EIF2AK2: variants seen among roughly 807,000 people sequenced by gnomAD.
EIF2AK2 encodes the protein interferon-induced, double-stranded RNA-activated protein kinase.
EIF2AK2 carries 40 observed loss-of-function variants against 70.5 expected under a neutral mutation model. The observed-to-expected ratio is 0.57, with a 90% CI of 0.44 to 0.74. EIF2AK2 has a LOEUF of 0.74. EIF2AK2 is among the 30% of genes least tolerant of loss of function. The pLI, the probability that EIF2AK2 is intolerant of heterozygous loss-of-function variation, is 0.00. For missense variants in EIF2AK2, 555 were observed against 644.3 expected, an observed-to-expected ratio of 0.86 and a Z score of 1.50; for synonymous variants, 198 against 220.9, an observed-to-expected ratio of 0.90 and a Z score of 0.92.
chr2:37,134,065 T>C (rs919147724), intron 10 of EIF2AK2, among the ~76,000 whole-genome samples: 1 of 152,212 alleles, frequency 6.6e-6, no homozygotes, highest in African/African-American at 2.4e-5. Context: ...TATCGCTGTC[T>C]TCTTCAGCTT....
intron 10 of EIF2AK2, among the ~76,000 whole-genome samples, chr2:37,127,404 G>A (rs1381033237): frequency 6.6e-6 from 1 of 152,088 alleles, no homozygotes; most frequent in Non-Finnish European, 1.5e-5. Flanking sequence ...GCCAACCTTT[G>A]CATTCCACAA....
chr2:37,103,770 A>AT lies in EIF2AK2; in HGVS notation c.*3502dup, dbSNP rs1558403062. 2 of 152,106 alleles carry AT rather than the reference A, an allele frequency of 1.3e-5. No homozygotes were observed. Among genetic ancestry groups the AT allele is most frequent in the Admixed American group, 6.5e-5 (1 of 15,274 alleles). The allele number at this position is 152,106 out of a possible 1,614,324, so 9.4% of individuals were successfully genotyped here. A position where few individuals can be genotyped will look rare whatever the true frequency, so the allele number is the denominator to read the frequency against. ...GTGCCCTCTTTCTCTCTCCATGTTG[A>AT]TTTTTGCTGAACATTGAAAGTTGCA... On this transcript the variant is annotated 3_prime_UTR_variant, in exon 17 of 17. Coordinates refer to ENST00000233057, the MANE Select transcript of EIF2AK2 (RefSeq NM_001135651.3).
At position 37,120,110 on chromosome 2, in the gene EIF2AK2, A is replaced by G. The variant is rs865823480; in HGVS notation, c.1097T>C (p.Met366Thr). 2 of 1,472,182 alleles carry G rather than the reference A, an allele frequency of 1.4e-6. No individual in the cohort carries two copies. The highest frequency in any genetic ancestry group is 1.8e-6 in the Non-Finnish European group (2 of 1,105,034). The allele number at this position is 1,472,182 out of a possible 1,614,324, so 91.2% of individuals were successfully genotyped here. ...CAAGGTCCCTTTATCACAGAATTCC[A>G]TTTGGATGAAAAGGCACTTAGTCTT... ...RSKTKCLFIQ[M>T]EFCDKGTLEQ... The change falls in exon 13 of 17, where the codon ATG (methionine) becomes ACG (threonine). Residue 366 changes from methionine to threonine, a missense_variant. Transcript: ENST00000233057.
Position 37,099,729 on chromosome 2 carries a change from T to C in EIF2AK2, c.*7544A>G, listed in dbSNP as rs1043930447. Reference sequence around the variant, plus strand: ...CAAAAGTTCATAGTAGCATTATTCATGGTAGCCAAAAAGTACAAACAACCC... The same window carrying C: ...CAAAAGTTCATAGTAGCATTATTCACGGTAGCCAAAAAGTACAAACAACCC... On this transcript the variant is annotated 3_prime_UTR_variant, in exon 17 of 17. Coordinates refer to ENST00000233057, the MANE Select transcript of EIF2AK2 (RefSeq NM_001135651.3). 7 of 152,218 alleles carry C rather than the reference T, an allele frequency of 4.6e-5. No homozygotes were observed. Among genetic ancestry groups the C allele is most frequent in the Admixed American group, 1.3e-4 (2 of 15,282 alleles). The allele number at this position is 152,218 out of a possible 1,614,324, so 9.4% of individuals were successfully genotyped here. A position where few individuals can be genotyped will look rare whatever the true frequency, so the allele number is the denominator to read the frequency against.
intron 11 of EIF2AK2, among the ~76,000 whole-genome samples, chr2:37,125,907 T>C (rs1192283555): frequency 6.6e-6 from 1 of 152,232 alleles, no homozygotes; most frequent in East Asian, 1.9e-4. Flanking sequence ...TTTCCTCATC[T>C]ATAAAATAAG....
intron 5 of EIF2AK2, among the ~76,000 whole-genome samples, chr2:37,140,609 C>G (rs564344357): frequency 1.5e-4 from 23 of 151,328 alleles, no homozygotes; most frequent in Admixed American, 7.2e-4. Context: ...TGCCCCCCCC[C>G]GCAAACAGAT....
At chr2:37,124,731 CTT>C (rs528735782) in intron 11 of EIF2AK2, among the ~76,000 whole-genome samples, 6 of 144,260 alleles carry the variant, frequency 4.2e-5, no homozygotes, top group Non-Finnish European at 4.6e-5. Flanking sequence ...GAATAACATT[CTT>C]TTTTTTTTTT....
chr2:37,151,176 A>G (rs1675727929), intron 1 of EIF2AK2, among the ~76,000 whole-genome samples: 2 of 152,216 alleles, frequency 1.3e-5, no homozygotes. Flanking sequence ...ACAGAATAGA[A>G]TATTTACAAA....
chr2:37,139,496 C>A, intron 6 of EIF2AK2, 135 bp downstream of exon 6: 1 of 1,271,916 alleles, frequency 7.9e-7, no homozygotes. Flanking sequence ...CATGGCTCAT[C>A]GGTACGACAC....
chr2:37,149,450 G>A (rs1485077958), intron 1 of EIF2AK2: 1 of 449,768 alleles, frequency 2.2e-6, no homozygotes, highest in Non-Finnish European at 4.0e-6. Context: ...GGTGCTTTAA[G>A]ATTCACTATT....
Position 37,147,678 on chromosome 2 carries a change from A to C in EIF2AK2, c.119+10T>G. ...TTATGGCTGCCATATCATTTTTTAT[A>C]GCAACCTACCTCCTATCATGTGGAG... On this transcript the variant is annotated intron_variant, in intron 3 of 16. Coordinates refer to ENST00000233057, the MANE Select transcript of EIF2AK2 (RefSeq NM_001135651.3). 1.3e-6 allele frequency: 2 copies of C among 1,568,284 alleles called. No homozygotes were observed. Among genetic ancestry groups the C allele is most frequent in the Non-Finnish European group, 1.8e-6 (2 of 1,140,826 alleles).
chr2:37,143,962 G>C (rs972691423), intron 4 of EIF2AK2, among the ~76,000 whole-genome samples: 1 of 152,138 alleles, frequency 6.6e-6, no homozygotes, highest in Admixed American at 6.5e-5. Flanking sequence ...AAGTAATCTA[G>C]AGATGATCTA....
In EIF2AK2 at chr2:37,114,876, T is replaced by A. The variant is rs760092424; in HGVS notation, c.1249-17A>T. The A allele has an allele frequency of 1.1e-4, 154 of 1,437,652 alleles. No homozygotes were observed. The highest frequency in any genetic ancestry group is 3.3e-4 in the South Asian group (24 of 73,374). The allele number at this position is 1,437,652 out of a possible 1,614,324, so 89.1% of individuals were successfully genotyped here. ...ATTACTTGGCTATGAAAAAAAAAAA[T>A]TTAACTTACATGTACCAACTTAACA... On this transcript the variant is annotated splice_polypyrimidine_tract_variant and intron_variant, in intron 13 of 16. Transcript: ENST00000233057.
rs1572994208 is a variant in EIF2AK2, at chr2:37,106,686, A to G, written c.*587T>C. 2.6e-5 allele frequency: 4 copies of G among 152,088 alleles called. No homozygotes were observed. Among genetic ancestry groups the G allele is most frequent in the African/African-American group, 9.6e-5 (4 of 41,474 alleles). The allele number at this position is 152,088 out of a possible 1,614,324, so 9.4% of individuals were successfully genotyped here. ...AGCGGTAGAAATTTAATAAATAGAT[A>G]TGAATTGATTGATTCATTAATAGTA... is the stretch of plus-strand genomic sequence containing the variant. On this transcript the variant is annotated 3_prime_UTR_variant, in exon 17 of 17. Coordinates refer to ENST00000233057, the MANE Select transcript of EIF2AK2 (RefSeq NM_001135651.3).
chr2:37,139,697 T>C lies in EIF2AK2; in HGVS notation c.450A>G (p.Lys150=), dbSNP rs1045259481. ...TAGCGGCCAATTGTTTTGCTTCCTG[T>C]TTAGTAGAACCTGTACCAATACTAT... ...KEYSIGTGST[K]QEAKQLAAKL... is the part of the protein sequence containing the mutation. The change falls in exon 6 of 17, where the codon AAA becomes AAG. Residue 150 remains lysine, a synonymous_variant. Transcript: ENST00000233057. 1.3e-5 allele frequency: 21 copies of C among 1,613,996 alleles called. No homozygotes were observed. The highest frequency in any genetic ancestry group is 1.7e-5 in the Non-Finnish European group (20 of 1,179,974).
At chr2:37,109,361 C>T in intron 14 of EIF2AK2, 66 bp from the exon 15 acceptor site, 3 of 1,431,820 alleles carry the variant, frequency 2.1e-6, no homozygotes, top group Non-Finnish European at 2.9e-6. Flanking sequence ...CTTCTAAAGC[C>T]CAAAAAAGTT....
At chr2:37,155,515 G>A (rs1009058147) in intron 1 of EIF2AK2, among the ~76,000 whole-genome samples, 4 of 152,106 alleles carry the variant, frequency 2.6e-5, no homozygotes, top group African/African-American at 4.8e-5. Context: ...CTTTGATGCT[G>A]GAGGGTCAGC....
intron 5 of EIF2AK2, among the ~76,000 whole-genome samples, chr2:37,140,067 A>G (rs190221707): frequency 2.6e-3 from 399 of 152,246 alleles, no homozygotes; most frequent in African/African-American, 9.3e-3. Flanking sequence ...CCAAAGGTCA[A>G]AAGATACGGA....
At chr2:37,141,416 T>A in intron 5 of EIF2AK2, 137 bp downstream of exon 5, 1 of 1,044,468 alleles carries the variant, frequency 9.6e-7, no homozygotes, top group Non-Finnish European at 1.4e-6. Context: ...ATAAATCCAA[T>A]TACTTATCAA....
Sources: gnomAD v4.1 joint callset for allele counts (sites outside exome capture counted in the v4.1 genomes callset) on GRCh38, gnomAD v4.1.1 for gene constraint, MANE v1.5 for transcripts, NCBI Gene and HGNC (gene_info 2026-07-23, HGNC 2026-07-21) for gene names.